DPP6: variants seen among roughly 807,000 people sequenced by gnomAD.
DPP6 encodes A-type potassium channel modulatory protein DPP6.
DPP6 carries 69 observed loss-of-function variants against 122.6 expected under a neutral mutation model. The observed-to-expected ratio is 0.56, with a 90% CI of 0.46 to 0.69. DPP6 has a LOEUF of 0.69. Among genes scored for constraint, DPP6 ranks in the 30% least tolerant of loss-of-function variants. DPP6 has a pLI of 0.00. For synonymous variants in DPP6, 418 were observed against 433.1 expected, an observed-to-expected ratio of 0.97 and a Z score of 0.43; for missense variants, 928 against 1,116.9, an observed-to-expected ratio of 0.83 and a Z score of 2.41.
chr7:154,413,146 G>A (rs755694083), intron 1 of DPP6, among the ~76,000 whole-genome samples: 4 of 152,112 alleles, frequency 2.6e-5, no homozygotes, highest in South Asian at 2.1e-4. Flanking sequence ...AGTGGTCCTC[G>A]GTATAGATTC....
chr7:154,882,975 T>C (rs2150676600), intron 21 of DPP6, among the ~76,000 whole-genome samples: 1 of 152,138 alleles, frequency 6.6e-6, no homozygotes, highest in Non-Finnish European at 1.5e-5. Context: ...TTCTCTACAC[T>C]CCATGCTCCC....
intron 16 of DPP6, among the ~76,000 whole-genome samples, chr7:154,808,126 T>C (rs1424781565): frequency 6.6e-6 from 1 of 152,252 alleles, no homozygotes; most frequent in African/African-American, 2.4e-5. Flanking sequence ...AGGCAGAGAC[T>C]AAGATCAGGA....
intron 6 of DPP6, among the ~76,000 whole-genome samples, chr7:154,666,718 A>G (rs1838191795): frequency 6.6e-6 from 1 of 152,164 alleles, no homozygotes; most frequent in Non-Finnish European, 1.5e-5. Context: ...ATTCAGCCTT[A>G]AAAAAGAAGG....
upstream of DPP6, among the ~76,000 whole-genome samples, chr7:153,882,488 GAGGA>G (rs2128989345): frequency 6.6e-6 from 1 of 152,364 alleles, no homozygotes; most frequent in South Asian, 2.1e-4. Context: ...AAAGTGACAT[GAGGA>G]ATCTGCTCCT....
the DPP6 span, among the ~76,000 whole-genome samples, chr7:153,764,537 C>T: frequency 6.6e-6 from 1 of 152,174 alleles, no homozygotes; most frequent in Non-Finnish European, 1.5e-5. Context: ...TTATGGATCT[C>T]ATCTGGTGAT....
chr7:154,864,054 T>C (rs1235508953), intron 17 of DPP6, among the ~76,000 whole-genome samples: 1 of 152,040 alleles, frequency 6.6e-6, no homozygotes, highest in Non-Finnish European at 1.5e-5. Flanking sequence ...AGGAGAGGCC[T>C]GGACTAGAAA....
At chr7:154,435,923 A>T (rs1478093922) in intron 1 of DPP6, among the ~76,000 whole-genome samples, 1 of 152,166 alleles carries the variant, frequency 6.6e-6, no homozygotes, top group Admixed American at 6.5e-5. Context: ...ATTTTCTCCC[A>T]ATATTTTTTA....
At chr7:154,163,236 T>C (rs557435057) in intron 1 of DPP6, among the ~76,000 whole-genome samples, 1 of 151,970 alleles carries the variant, frequency 6.6e-6, no homozygotes, top group Non-Finnish European at 1.5e-5. Flanking sequence ...GAACTTGACA[T>C]CCAGAATTTA....
At chr7:154,583,305 G>C (rs1407495700) in intron 5 of DPP6, among the ~76,000 whole-genome samples, 2 of 152,216 alleles carry the variant, frequency 1.3e-5, no homozygotes, top group Non-Finnish European at 2.9e-5. Context: ...GTAATTTTGG[G>C]TGGACACAAA....
At chr7:154,448,605 C>T (rs1168709033) in intron 2 of DPP6, among the ~76,000 whole-genome samples, 1 of 152,090 alleles carries the variant, frequency 6.6e-6, no homozygotes, top group Admixed American at 6.6e-5. Flanking sequence ...ATGCAAAGGA[C>T]TCATAATAGT....
intron 1 of DPP6, among the ~76,000 whole-genome samples, chr7:154,410,466 A>G (rs1816502089): frequency 6.6e-6 from 1 of 152,218 alleles, no homozygotes; most frequent in African/African-American, 2.4e-5. Flanking sequence ...TTCATTTATG[A>G]GGCAGATGAA....
intron 4 of DPP6, among the ~76,000 whole-genome samples, chr7:154,542,130 G>A (rs902473199): frequency 4.6e-5 from 7 of 152,132 alleles, no homozygotes; most frequent in African/African-American, 1.4e-4. Flanking sequence ...GACTGCAGGC[G>A]TAAGGGAGGC....
chr7:154,587,263 C>T (rs11973392), intron 5 of DPP6: 8,821 of 269,674 alleles, frequency 0.033, 358 homozygotes, highest in African/African-American at 0.12. Flanking sequence ...TTTTGTCTGA[C>T]CAATGCCTTG....
intron 1 of DPP6, among the ~76,000 whole-genome samples, chr7:154,383,321 T>C (rs369017641): frequency 2.1e-4 from 32 of 152,352 alleles, no homozygotes; most frequent in African/African-American, 7.0e-4. Context: ...ACTCATAAAA[T>C]ACAATTTCCT....
At chr7:154,435,513 T>A (rs1818788812) in intron 1 of DPP6, among the ~76,000 whole-genome samples, 1 of 152,210 alleles carries the variant, frequency 6.6e-6, no homozygotes, top group South Asian at 2.1e-4. Flanking sequence ...TTTTATCACC[T>A]TTGTGGAAAG....
chr7:154,114,561 T>C (rs1806839594), intron 1 of DPP6, among the ~76,000 whole-genome samples: 3 of 152,210 alleles, frequency 2.0e-5, no homozygotes, highest in Non-Finnish European at 4.4e-5. Flanking sequence ...TTTTCTCATC[T>C]TAAGCAGGGA....
intron 1 of DPP6, among the ~76,000 whole-genome samples, chr7:154,336,631 A>T (rs1244124570): frequency 6.6e-6 from 1 of 152,322 alleles, no homozygotes; most frequent in East Asian, 1.9e-4. Flanking sequence ...AAGGCATGTG[A>T]TTCAAGCTAA....
chr7:154,017,533 AAAAG>A (rs1469502002), intron 1 of DPP6, among the ~76,000 whole-genome samples: 1 of 151,460 alleles, frequency 6.6e-6, no homozygotes, highest in Non-Finnish European at 1.5e-5. Context: ...TCTCTACAAA[AAAAG>A]AAAATTCAAA....
Position 154,222,082 on chromosome 7 carries a change from C to T in DPP6, c.243+169019C>T, listed in dbSNP as rs573208324. ...TTCTGCTTCACATGCCTGGTTTTGT[C>T]GCCCACTTGCTCTTCCTGATGAATC... On this transcript the variant is annotated intron_variant, in intron 1 of 25. Coordinates refer to ENST00000377770, the MANE Select transcript of DPP6 (RefSeq NM_130797.4). Among the ~76,000 whole-genome samples the T allele has an allele frequency of 1.2e-4, 18 of 152,238 alleles. No individual in the cohort carries two copies. The South Asian group carries it at 2.3e-3, about 19-fold the overall frequency.
Sources: allele counts gnomAD v4.1 joint callset (sites outside exome capture counted in the v4.1 genomes callset), GRCh38; gene constraint gnomAD v4.1.1; transcripts MANE v1.5; gene names NCBI Gene and HGNC (gene_info 2026-07-23, HGNC 2026-07-21).